The following ARHGAP31 variants were observed in gnomAD, a reference collection of about 807,000 sequenced individuals.
ARHGAP31 encodes the protein Rho GTPase activating protein 31, also known as rho GTPase-activating protein 31.
ARHGAP31 carries 34 observed loss-of-function variants against 113.9 expected under a neutral mutation model. The ratio of observed to expected loss-of-function variants is 0.30; its 90% CI spans 0.23 to 0.40. The LOEUF is 0.40. Ranked by LOEUF, ARHGAP31 falls within the 10% of genes least tolerant of loss-of-function variation. ARHGAP31 has a pLI of 1.00. For synonymous variants in ARHGAP31, 650 were observed against 684.8 expected (o/e 0.95, Z 0.79); for missense variants, 1,548 against 1,767.1 (o/e 0.88, Z 2.22).
intron 7 of ARHGAP31, among the ~76,000 whole-genome samples, chr3:119,391,708 G>A (rs1559990490): frequency 6.7e-6 from 1 of 149,792 alleles, no homozygotes; most frequent in Non-Finnish European, 1.5e-5. Flanking sequence ...CCTTTCCATT[G>A]AAGGTGTCAT....
At chr3:119,363,623 A>G (rs1033402609) in intron 1 of ARHGAP31, among the ~76,000 whole-genome samples, 8 of 152,236 alleles carry the variant, frequency 5.3e-5, no homozygotes, top group Admixed American at 6.5e-5. Flanking sequence ...CCACAAGGGA[A>G]AGGAATGCTT....
chr3:119,325,814 A>T (rs1559967563), intron 1 of ARHGAP31, among the ~76,000 whole-genome samples: 2 of 152,352 alleles, frequency 1.3e-5, no homozygotes, highest in East Asian at 1.9e-4. Flanking sequence ...GGAAGTTTTT[A>T]AAAATTTTTT....
intron 8 of ARHGAP31, among the ~76,000 whole-genome samples, chr3:119,397,622 G>A (rs140799830): frequency 3.2e-4 from 49 of 152,338 alleles, no homozygotes; most frequent in African/African-American, 1.1e-3. Context: ...GTGGCTGGGC[G>A]TCCCACAGTG....
Position 119,401,802 on chromosome 3 carries a change from C to G in ARHGAP31, c.1070-20C>G. 1 of 1,612,916 alleles carries G rather than the reference C, an allele frequency of 6.2e-7. No individual in the cohort carries two copies. The highest frequency in any genetic ancestry group is 1.1e-5 in the South Asian group (1 of 90,736). On this transcript the variant is annotated intron_variant, in intron 9 of 11. Coordinates refer to ENST00000264245, the MANE Select transcript of ARHGAP31 (RefSeq NM_020754.4). ...ATGTGTGCCCCGGCTGCTGACCATA[C>G]ACTTGTTCCTTTTTACTAGGAAAAG... is the stretch of plus-strand genomic sequence containing the variant.
At chr3:119,366,463 A>C (rs2107623344) in intron 2 of ARHGAP31, among the ~76,000 whole-genome samples, 1 of 152,298 alleles carries the variant, frequency 6.6e-6, no homozygotes, top group East Asian at 1.9e-4. Context: ...CTGTTAAAAA[A>C]AATAATTGGT....
chr3:119,400,164 G>A (rs1339283816), intron 9 of ARHGAP31, among the ~76,000 whole-genome samples: 1 of 152,216 alleles, frequency 6.6e-6, no homozygotes, highest in Non-Finnish European at 1.5e-5. Flanking sequence ...GGGTGTGGTG[G>A]CTCATGCCTG....
At chr3:119,351,588 C>T (rs980094882) in intron 1 of ARHGAP31, among the ~76,000 whole-genome samples, 2 of 151,504 alleles carry the variant, frequency 1.3e-5, no homozygotes, top group African/African-American at 4.9e-5. Context: ...AATTCATCCC[C>T]ATAAGCACCC....
At chr3:119,405,937 G>A (rs1005218982) in intron 10 of ARHGAP31, among the ~76,000 whole-genome samples, 3 of 152,168 alleles carry the variant, frequency 2.0e-5, no homozygotes, top group Non-Finnish European at 4.4e-5. Flanking sequence ...GGTAACCTGA[G>A]GACTGTGCAG....
intron 1 of ARHGAP31, 151 bp from the exon 2 acceptor site, chr3:119,365,165 A>C (rs1175840359): frequency 3.3e-5 from 22 of 666,148 alleles, no homozygotes; most frequent in Non-Finnish European, 7.9e-6. Flanking sequence ...AACATCACCT[A>C]CCACTTACAA....
In ARHGAP31 at chr3:119,294,519, C is replaced by A. The variant is rs965486304; in HGVS notation, c.-386C>A. ...CAGTCTCCTCGCCCCGCGTCCGCGTCGTCTCCGGGGCACTTAGTAAGGGGT... is the reference window on the plus strand; with the variant it reads ...CAGTCTCCTCGCCCCGCGTCCGCGTAGTCTCCGGGGCACTTAGTAAGGGGT... On this transcript the variant is annotated 5_prime_UTR_variant, in exon 1 of 12. Coordinates refer to ENST00000264245, the MANE Select transcript of ARHGAP31 (RefSeq NM_020754.4). 4.4e-6 allele frequency: 2 copies of A among 453,312 alleles called. No individual in the cohort carries two copies. The highest frequency in any genetic ancestry group is 1.3e-4 in the South Asian group (2 of 14,906). 28.1% of individuals were successfully genotyped at this position (453,312 alleles called of 1,614,324 possible).
chr3:119,336,850 T>C (rs144990523), intron 1 of ARHGAP31, among the ~76,000 whole-genome samples: 193 of 152,338 alleles, frequency 1.3e-3, no homozygotes, highest in African/African-American at 4.4e-3. Flanking sequence ...TAAGAAACCA[T>C]GAATCTAGTT....
rs374718588 is a variant in ARHGAP31 at position 119,380,965 on chromosome 3, A to C, written c.410A>C (p.Glu137Ala). 1.3e-5 allele frequency: 21 copies of C among 1,614,146 alleles called. No individual in the cohort carries two copies. Among genetic ancestry groups the C allele is most frequent in the Non-Finnish European group, 1.6e-5 (19 of 1,179,976 alleles). Reference sequence around the variant, plus strand: ...GCCCGAATCCAAAATGTTATCCAGGAGCTTCCTCCATCCCACTATAGGTAA... The same window carrying C: ...GCCCGAATCCAAAATGTTATCCAGGCGCTTCCTCCATCCCACTATAGGTAA... ...QLARIQNVIQELPPSHYRTLE... is the reference protein window; with the variant it reads ...QLARIQNVIQALPPSHYRTLE... The change falls in exon 4 of 12, where the codon GAG becomes GCG. Residue 137 changes from glutamate (E) to alanine (A), a missense_variant. By Grantham distance (107) the Glu-to-Ala change is moderately radical. Coordinates refer to ENST00000264245, the MANE Select transcript of ARHGAP31 (RefSeq NM_020754.4).
At chr3:119,362,640 C>T (rs1577012637) in intron 1 of ARHGAP31, among the ~76,000 whole-genome samples, 1 of 151,914 alleles carries the variant, frequency 6.6e-6, no homozygotes, top group East Asian at 1.9e-4. Flanking sequence ...TGGTGGCAGG[C>T]ACCTGTAATC....
At position 119,416,296 on chromosome 3, in the gene ARHGAP31, C is replaced by A. The variant is rs1310735099; in HGVS notation, c.*32C>A. ...TTCACCTGCTGGTGTCTGAAAAAAACCGTGATTCATCTGGAAGTTATTACA... is the reference window on the plus strand; with the variant it reads ...TTCACCTGCTGGTGTCTGAAAAAAAACGTGATTCATCTGGAAGTTATTACA... On this transcript the variant is annotated 3_prime_UTR_variant, in exon 12 of 12. Transcript: ENST00000264245. 5.6e-6 allele frequency: 9 copies of A among 1,610,200 alleles called. No homozygotes were observed. Among genetic ancestry groups the A allele is most frequent in the Non-Finnish European group, 7.6e-6 (9 of 1,179,974 alleles).
intron 10 of ARHGAP31, among the ~76,000 whole-genome samples, chr3:119,402,615 T>C (rs1219042786): frequency 6.6e-6 from 1 of 152,248 alleles, no homozygotes; most frequent in African/African-American, 2.4e-5. Context: ...ATGGGAATAA[T>C]TATGTTAATA....
At position 119,353,787 on chromosome 3, in the gene ARHGAP31, CAAA is replaced by C. The variant is rs5852199; in HGVS notation, c.101-11509_101-11507del. Among the ~76,000 whole-genome samples the C allele has an allele frequency of 1.0e-3, 92 of 88,232 alleles. 1 individual carries two copies. The highest frequency in any genetic ancestry group is 5.9e-3 in the East Asian group (18 of 3,032). 57.9% of individuals were successfully genotyped at this position (88,232 alleles called of 152,430 possible). On this transcript the variant is annotated intron_variant, in intron 1 of 11. Transcript: ENST00000264245. Reference sequence around the variant, plus strand: ...TGGGTGACAGAGCAAGACTCCATCTCAAAAAAAAAAAAAAAAAAAAAAGTGTGT... The same window carrying C: ...TGGGTGACAGAGCAAGACTCCATCTCAAAAAAAAAAAAAAAAAAAGTGTGT...
intron 1 of ARHGAP31, among the ~76,000 whole-genome samples, chr3:119,317,139 G>A (rs1166330624): frequency 2.6e-5 from 4 of 151,220 alleles, no homozygotes; most frequent in African/African-American, 9.7e-5. Context: ...GTAATGTGAT[G>A]TTTTATGTTT....
chr3:119,372,993 C>T lies in ARHGAP31; in HGVS notation c.348+4477C>T, dbSNP rs890463141. On this transcript the variant is annotated intron_variant, in intron 3 of 11. Transcript: ENST00000264245. ...TGCCATAAACAGTGCTAGGAAAATT[C>T]GCTATCTATTGCAAAATGAGGAAAT... 6.6e-5 allele frequency among the ~76,000 whole-genome samples: 10 copies of T among 152,242 alleles called. No homozygotes were observed. In the South Asian group the frequency reaches 1.4e-3, roughly 22 times the overall value.
rs943629668 is a variant in ARHGAP31, at chr3:119,383,041, T to C, written c.540-43T>C. On this transcript the variant is annotated intron_variant, in intron 5 of 11. Coordinates refer to ENST00000264245, the MANE Select transcript of ARHGAP31 (RefSeq NM_020754.4). ...TGGCTCCTCTTGCTGCTTCAGGTTG[T>C]AAGGCAAACTCACTAACTGAATATG... 3 of 1,612,854 alleles carry C rather than the reference T, an allele frequency of 1.9e-6. No homozygotes were observed. In the African/African-American group the frequency reaches 4.0e-5, roughly 22 times the overall value.
Sources: allele counts gnomAD v4.1 joint callset (sites outside exome capture counted in the v4.1 genomes callset), GRCh38; gene constraint gnomAD v4.1.1; transcripts MANE v1.5; gene names NCBI Gene and HGNC (gene_info 2026-07-23, HGNC 2026-07-21).